The following GAS7 variants were observed in gnomAD, a reference collection of about 807,000 sequenced individuals.
GAS7 encodes the protein growth arrest-specific protein 7.
A neutral mutation model predicts 71.1 loss-of-function variants in GAS7; 28 were observed. That is an observed-to-expected ratio of 0.39 (90% confidence interval 0.29 to 0.54). The LOEUF (loss-of-function observed/expected upper bound fraction) is 0.54, where lower values mean the gene tolerates loss of function less well. Among genes scored for constraint, GAS7 ranks in the 20% least tolerant of loss-of-function variants. The pLI is 0.62. For synonymous variants in GAS7, 258 were observed against 245.8 expected, an observed-to-expected ratio of 1.05 and a Z score of -0.46; for missense variants, 436 against 627.8, an observed-to-expected ratio of 0.69 and a Z score of 3.27.
At chr17:10,089,589 T>A (rs900214632) in intron 1 of GAS7, among the ~76,000 whole-genome samples, 1 of 151,992 alleles carries the variant, frequency 6.6e-6, no homozygotes, top group African/African-American at 2.4e-5. Context: ...TAGTTTGAAC[T>A]AAGTCCTTCA....
At chr17:9,988,772 G>T (rs1056623452) in intron 2 of GAS7, among the ~76,000 whole-genome samples, 1 of 151,856 alleles carries the variant, frequency 6.6e-6, no homozygotes, top group Non-Finnish European at 1.5e-5. Flanking sequence ...ATTTACGCCT[G>T]GTCACGCCAA....
intron 12 of GAS7, 132 bp from the exon 13 acceptor site, chr17:9,918,231 A>C (rs1467145841): frequency 1.6e-6 from 1 of 637,522 alleles, no homozygotes. Context: ...GGTCTGATGA[A>C]GAGCGTGCCC....
intron 5 of GAS7, among the ~76,000 whole-genome samples, chr17:9,953,776 T>TTTC (rs2069113453): frequency 6.6e-6 from 1 of 152,250 alleles, no homozygotes. Flanking sequence ...TTATTTAATG[T>TTTC]TTCTCCTCCT....
rs541133967 is a variant in GAS7 at position 10,009,318 on chromosome 17, C to CAAAA, written c.304+10455_304+10458dup. 3.7e-4 allele frequency among the ~76,000 whole-genome samples: 29 copies of CAAAA among 78,540 alleles called. 1 individual carries two copies. Among genetic ancestry groups the CAAAA allele is most frequent in the African/African-American group, 1.2e-3 (26 of 21,578 alleles). The allele number at this position is 78,540 out of a possible 152,430, so 51.5% of individuals were successfully genotyped here. ...TCTGGGCGACAGAGCGAGACTCCGT[C>CAAAA]AAAAAAAAAAAAAAAAAAGTGTTCT... is the stretch of plus-strand genomic sequence containing the variant. On this transcript the variant is annotated intron_variant, in intron 2 of 13. Coordinates refer to ENST00000432992, the MANE Select transcript of GAS7 (RefSeq NM_201433.2).
intron 5 of GAS7, among the ~76,000 whole-genome samples, chr17:9,951,760 C>CAAAAAAAAAAAAAAAAA (rs59048492): frequency 1.4e-5 from 1 of 69,012 alleles, no homozygotes; most frequent in African/African-American, 4.6e-5. Flanking sequence ...AACTCTGTCT[C>CAAAAAAAAAAAAAAAAA]AAAAAAAAAA....
intron 1 of GAS7, among the ~76,000 whole-genome samples, chr17:10,099,437 G>A (rs539432456): frequency 4.0e-4 from 61 of 152,306 alleles, no homozygotes; most frequent in Non-Finnish European, 5.9e-4. Context: ...TTTAAACACC[G>A]TCATGCTGTT....
intron 1 of GAS7, among the ~76,000 whole-genome samples, chr17:10,165,307 AAAAAG>A (rs1188569119): frequency 1.3e-5 from 2 of 151,368 alleles, no homozygotes; most frequent in Non-Finnish European, 2.9e-5. Flanking sequence ...AAAAAAAAAA[AAAAAG>A]AAAACAAAAG....
At chr17:9,927,285 CTACA>C (rs1216733548) in intron 9 of GAS7, among the ~76,000 whole-genome samples, 27 of 84,976 alleles carry the variant, frequency 3.2e-4, no homozygotes, top group Admixed American at 1.7e-3. Context: ...CCCATCTCTA[CTACA>C]TACACACACA....
intron 1 of GAS7, among the ~76,000 whole-genome samples, chr17:10,059,001 T>C (rs1352862922): frequency 6.6e-6 from 1 of 152,254 alleles, no homozygotes; most frequent in Non-Finnish European, 1.5e-5. Flanking sequence ...CATCAGGGTA[T>C]GCTGTCCACG....
intron 7 of GAS7, 63 bp downstream of exon 7, chr17:9,943,058 G>A (rs553909211): frequency 7.2e-5 from 77 of 1,072,544 alleles, no homozygotes; most frequent in Non-Finnish European, 5.5e-5. Context: ...GCCCCGCCCC[G>A]GCCACGGGGC....
At chr17:10,187,634 C>T (rs2074465456) in intron 1 of GAS7, among the ~76,000 whole-genome samples, 1 of 152,100 alleles carries the variant, frequency 6.6e-6, no homozygotes. Context: ...TCCTATTTGC[C>T]ACAAGGTGAC....
intron 1 of GAS7, among the ~76,000 whole-genome samples, chr17:10,088,816 G>A (rs1236720061): frequency 6.6e-6 from 1 of 152,012 alleles, no homozygotes; most frequent in Admixed American, 6.6e-5. Flanking sequence ...GGAGGAGAGG[G>A]GGGTTCAAGC....
chr17:10,040,419 G>T (rs1212189208), intron 1 of GAS7, among the ~76,000 whole-genome samples: 2 of 152,160 alleles, frequency 1.3e-5, no homozygotes, highest in Admixed American at 1.3e-4. Context: ...AAGAAATTTC[G>T]ATTCTATAAA....
At chr17:9,922,815 A>G (rs1199187891) in intron 11 of GAS7, among the ~76,000 whole-genome samples, 1 of 152,236 alleles carries the variant, frequency 6.6e-6, no homozygotes, top group Non-Finnish European at 1.5e-5. Flanking sequence ...TAAAACCACC[A>G]CAAATAAGAA....
At chr17:9,984,296 C>A (rs971029773) in intron 2 of GAS7, among the ~76,000 whole-genome samples, 1 of 152,064 alleles carries the variant, frequency 6.6e-6, no homozygotes, top group Non-Finnish European at 1.5e-5. Flanking sequence ...GGCCCCAATA[C>A]TCCCGCTCTC....
At chr17:10,069,244 T>G (rs2073315232) in intron 1 of GAS7, among the ~76,000 whole-genome samples, 1 of 152,198 alleles carries the variant, frequency 6.6e-6, no homozygotes, top group Non-Finnish European at 1.5e-5. Flanking sequence ...CTCTGCACCA[T>G]GTCCGTGGAA....
chr17:10,070,341 CTTTTTTTTTTT>C (rs71365713), intron 1 of GAS7, among the ~76,000 whole-genome samples: 3 of 106,132 alleles, frequency 2.8e-5, no homozygotes, highest in Non-Finnish European at 5.5e-5. Context: ...TCTCTCTCTT[CTTTTTTTTTTT>C]TTTTTTTTTT....
intron 1 of GAS7, among the ~76,000 whole-genome samples, chr17:10,021,427 G>A (rs1420890478): frequency 1.3e-5 from 2 of 152,250 alleles, no homozygotes; most frequent in East Asian, 3.9e-4. Flanking sequence ...GAGGGAACGA[G>A]TAAATCTGAG....
chr17:10,181,185 C>T (rs1002006724), intron 1 of GAS7, among the ~76,000 whole-genome samples: 6 of 148,810 alleles, frequency 4.0e-5, no homozygotes. Context: ...CACAGTGAAA[C>T]CCTGTCTCTA....
Sources: allele counts gnomAD v4.1 joint callset (sites outside exome capture counted in the v4.1 genomes callset), GRCh38; gene constraint gnomAD v4.1.1; transcripts MANE v1.5; gene names NCBI Gene and HGNC (gene_info 2026-07-23, HGNC 2026-07-21).